GALNT1: variants seen among roughly 807,000 people sequenced by gnomAD.
GALNT1 encodes GalNAc transferase 1.
In GALNT1, 17 loss-of-function variants were observed where a neutral mutation model predicts 65.7. That is an observed-to-expected ratio of 0.26 (90% CI 0.18 to 0.39). GALNT1 has a LOEUF of 0.39. GALNT1 is among the 10% of genes least tolerant of loss of function. The pLI is 1.00. For synonymous variants in GALNT1, 210 were observed against 219.7 expected, an observed-to-expected ratio of 0.96 and a Z score of 0.39; for missense variants, 460 against 672.8, an observed-to-expected ratio of 0.68 and a Z score of 3.50.
intron 9 of GALNT1, among the ~76,000 whole-genome samples, chr18:35,693,307 T>TTCCAGAAACAGCAGGGAGACCAGTTG (rs1283055675): frequency 2.6e-5 from 4 of 152,166 alleles, no homozygotes; most frequent in Admixed American, 2.6e-4. Context: ...ACTTAGCGCG[T>TTCCAGAAACAGCAGGGAGACCAGTTG]TCCAGAAACA....
chr18:35,711,135 T>C lies in GALNT1; in HGVS notation c.*1365T>C, dbSNP rs1261104733. 1 of 152,340 alleles carries C rather than the reference T, an allele frequency of 6.6e-6. No homozygotes were observed. Among genetic ancestry groups the C allele is most frequent in the African/African-American group, 2.4e-5 (1 of 41,430 alleles). The allele number at this position is 152,340 out of a possible 1,614,324, so 9.4% of individuals were successfully genotyped here. A position where few individuals can be genotyped will look rare whatever the true frequency, so the allele number is the denominator to read the frequency against. On this transcript the variant is annotated 3_prime_UTR_variant, in exon 12 of 12. Transcript: ENST00000269195. ...TTTTTTTTAATACCACAGAATCACC[T>C]GAGTGTCAATTGAAAGTTGTCAATT... is the stretch of plus-strand genomic sequence containing the variant.
intron 1 of GALNT1, among the ~76,000 whole-genome samples, chr18:35,599,193 C>T (rs1274130555): frequency 6.6e-6 from 1 of 151,824 alleles, no homozygotes; most frequent in South Asian, 2.1e-4. Context: ...TTTGTTGTTT[C>T]CTTTGCTCTG....
intron 1 of GALNT1, among the ~76,000 whole-genome samples, chr18:35,612,696 T>C (rs2046732822): frequency 6.6e-6 from 1 of 152,112 alleles, no homozygotes; most frequent in African/African-American, 2.4e-5. Flanking sequence ...AAACTCTGTC[T>C]TTGCTAAAAA....
rs536338802 is a variant in GALNT1 at position 35,689,036 on chromosome 18, C to T, written c.861-137C>T. 8.5e-4 allele frequency: 564 copies of T among 662,408 alleles called. 7 individuals are homozygous for T. The highest frequency in any genetic ancestry group is 7.4e-3 in the South Asian group (400 of 54,272). 41.0% of individuals were successfully genotyped at this position (662,408 alleles called of 1,614,324 possible). ...CATAAAACACAGAAAGCCCCTGGGG[C>T]GTATGAAAGTTTATGAAGAGTGTGA... On this transcript the variant is annotated intron_variant, in intron 6 of 11. Coordinates refer to ENST00000269195, the MANE Select transcript of GALNT1 (RefSeq NM_020474.4).
chr18:35,689,576 A>T (rs2144647376), intron 7 of GALNT1, among the ~76,000 whole-genome samples: 1 of 152,302 alleles, frequency 6.6e-6, no homozygotes, highest in South Asian at 2.1e-4. Context: ...TCTAAAAGCT[A>T]ATATATAGTT....
In GALNT1 at chr18:35,629,499, T is replaced by C. The variant is rs796418123; in HGVS notation, c.-103-25061T>C. On this transcript the variant is annotated intron_variant, in intron 1 of 11. Transcript: ENST00000269195. ...ACAGTGAAGGAGAAATAAAATACTT[T>C]ACAGACAAGCAAATGCTGAGAGATT... Among the ~76,000 whole-genome samples the C allele has an allele frequency of 5.9e-5, 9 of 152,260 alleles. No homozygotes were observed. The South Asian group carries it at 8.3e-4, about 14-fold the overall frequency.
chr18:35,678,019 T>C (rs2047735116), intron 4 of GALNT1, among the ~76,000 whole-genome samples: 1 of 152,146 alleles, frequency 6.6e-6, no homozygotes, highest in Non-Finnish European at 1.5e-5. Flanking sequence ...ACATAAACTA[T>C]TATGCAGGAC....
At chr18:35,649,525 A>C (rs1315491833) in intron 1 of GALNT1, among the ~76,000 whole-genome samples, 2 of 152,130 alleles carry the variant, frequency 1.3e-5, no homozygotes, top group Admixed American at 6.5e-5. Context: ...AAAAATTGGA[A>C]GTTTTAGCTT....
At chr18:35,667,192 A>T (rs2047562257) in intron 3 of GALNT1, among the ~76,000 whole-genome samples, 1 of 152,176 alleles carries the variant, frequency 6.6e-6, no homozygotes, top group African/African-American at 2.4e-5. Flanking sequence ...AACATGGTGC[A>T]AGTAAAATGG....
intron 1 of GALNT1, among the ~76,000 whole-genome samples, chr18:35,588,709 CTT>C (rs1400705084): frequency 6.6e-6 from 1 of 151,982 alleles, no homozygotes; most frequent in African/African-American, 2.4e-5. Context: ...GCTGCTGAGT[CTT>C]TTTATTTTGG....
intron 1 of GALNT1, among the ~76,000 whole-genome samples, chr18:35,643,538 C>T (rs977360326): frequency 2.6e-5 from 4 of 152,128 alleles, no homozygotes; most frequent in Admixed American, 1.3e-4. Context: ...CCGAGGCAGG[C>T]AGATCACGAG....
chr18:35,696,639 T>C (rs2048062677), intron 9 of GALNT1, among the ~76,000 whole-genome samples: 1 of 152,214 alleles, frequency 6.6e-6, no homozygotes, highest in Non-Finnish European at 1.5e-5. Flanking sequence ...GTACTTTATG[T>C]CAAGCACAAA....
At position 35,653,694 on chromosome 18, in the gene GALNT1, C is replaced by T. The variant is rs112230989; in HGVS notation, c.-103-866C>T. On this transcript the variant is annotated intron_variant, in intron 1 of 11. Transcript: ENST00000269195. ...ATCATGCTCCAAGATGAATTCCTTA[C>T]GCTTAAGACACCTATGCTCAAACTA... is the stretch of plus-strand genomic sequence containing the variant. Among the ~76,000 whole-genome samples the T allele has an allele frequency of 6.5e-3, 990 of 152,288 alleles. 20 individuals are homozygous for T. Among genetic ancestry groups the T allele is most frequent in the African/African-American group, 0.022 (932 of 41,550 alleles).
intron 1 of GALNT1, among the ~76,000 whole-genome samples, chr18:35,645,740 C>T (rs2047223158): frequency 6.6e-6 from 1 of 152,012 alleles, no homozygotes; most frequent in Admixed American, 6.6e-5. Flanking sequence ...ATTTTCTTAT[C>T]TGTTGCTTGG....
chr18:35,636,530 G>C (rs1302689249), intron 1 of GALNT1, among the ~76,000 whole-genome samples: 4 of 152,092 alleles, frequency 2.6e-5, no homozygotes, highest in Non-Finnish European at 4.4e-5. Context: ...ATGTTTCTTT[G>C]CCTGTCAGGT....
chr18:35,612,685 G>A (rs1313195441), intron 1 of GALNT1, among the ~76,000 whole-genome samples: 1 of 152,150 alleles, frequency 6.6e-6, no homozygotes, highest in Non-Finnish European at 1.5e-5. Flanking sequence ...CCAACGTGAT[G>A]AAACTCTGTC....
chr18:35,632,228 G>T (rs1349170130), intron 1 of GALNT1, among the ~76,000 whole-genome samples: 1 of 152,160 alleles, frequency 6.6e-6, no homozygotes, highest in African/African-American at 2.4e-5. Context: ...CCAAAAAAGA[G>T]CCCACATTGT....
At chr18:35,629,276 A>G (rs914920702) in intron 1 of GALNT1, among the ~76,000 whole-genome samples, 4 of 152,208 alleles carry the variant, frequency 2.6e-5, no homozygotes, top group Non-Finnish European at 4.4e-5. Context: ...CAGATTCACC[A>G]AAGTCAAAAT....
At chr18:35,703,200 T>C (rs935547600) in intron 10 of GALNT1, among the ~76,000 whole-genome samples, 2 of 152,126 alleles carry the variant, frequency 1.3e-5, no homozygotes, top group African/African-American at 4.8e-5. Flanking sequence ...AGAACTATGT[T>C]TACATTGCTG....
Sources: allele counts gnomAD v4.1 joint callset (sites outside exome capture counted in the v4.1 genomes callset), GRCh38; gene constraint gnomAD v4.1.1; transcripts MANE v1.5; gene names NCBI Gene and HGNC (gene_info 2026-07-23, HGNC 2026-07-21).